CPB2: variants seen among roughly 807,000 people sequenced by gnomAD.
CPB2 encodes carboxypeptidase B-like protein.
Under a neutral mutation model 57.0 loss-of-function variants are expected in CPB2, and 54 were observed. The ratio of observed to expected loss-of-function variants is 0.95; its 90% confidence interval spans 0.76 to 1.19. The LOEUF (loss-of-function observed/expected upper bound fraction) is 1.19, where lower values mean the gene tolerates loss of function less well. CPB2 is among the 50% of genes most tolerant of loss of function. The pLI is 0.00. For synonymous variants in CPB2, 189 were observed against 178.1 expected (o/e 1.06, Z -0.49); for missense variants, 426 against 512.0 (o/e 0.83, Z 1.62).
chr13:46,074,595 C>T (rs1328097878), intron 5 of CPB2, among the ~76,000 whole-genome samples: 1 of 152,146 alleles, frequency 6.6e-6, no homozygotes, highest in Admixed American at 6.5e-5. Flanking sequence ...CAATAATAGC[C>T]TTTGATGTCT....
rs11458090 is a variant in CPB2 at position 46,090,362 on chromosome 13, CT to C, written c.75-2543del. Among the ~76,000 whole-genome samples the C allele has an allele frequency of 1.6e-3, 195 of 125,774 alleles. 1 individual carries two copies. The highest frequency in any genetic ancestry group is 4.3e-3 in the Middle Eastern group (1 of 232). The allele number at this position is 125,774 out of a possible 152,430, so 82.5% of individuals were successfully genotyped here. On this transcript the variant is annotated intron_variant, in intron 1 of 10. Coordinates refer to ENST00000181383, the MANE Select transcript of CPB2 (RefSeq NM_001872.5). ...CAGTGAATTTGTCTATTTGTCTATT[CT>C]TTTTTTTTTTTTTTTTGGAGATGGA... is the stretch of plus-strand genomic sequence containing the variant.
At chr13:46,075,631 A>T (rs751860635) in intron 5 of CPB2, among the ~76,000 whole-genome samples, 6 of 152,238 alleles carry the variant, frequency 3.9e-5, no homozygotes, top group African/African-American at 9.6e-5. Flanking sequence ...TTGAGTCTGC[A>T]CTGTAAGTTC....
chr13:46,101,318 TTC>T (rs1301705107), intron 1 of CPB2: 2 of 152,266 alleles, frequency 1.3e-5, no homozygotes, highest in Non-Finnish European at 2.9e-5. Flanking sequence ...TAGAAAATTG[TTC>T]TTTGTTCAAT....
rs1403417093 is a variant in CPB2, at chr13:46,073,886, C to T, written c.578G>A (p.Trp193Ter). 2 of 1,567,110 alleles carry T rather than the reference C, an allele frequency of 1.3e-6. No individual in the cohort carries two copies. Among genetic ancestry groups the T allele is most frequent in the Non-Finnish European group, 1.7e-6 (2 of 1,145,150 alleles). Residue 193 changes from tryptophan to a stop codon, truncating the protein, a stop_gained, in exon 6 of 11, where the codon TGG becomes TAG. Coordinates refer to ENST00000181383, the MANE Select transcript of CPB2 (RefSeq NM_001872.5). LOFTEE classifies it high-confidence loss of function. ...GTGAATACTTACATGGCCTATGAACCACAAGCAGAAAGCAGGAGAGATCCA... is the reference window on the plus strand; with the variant it reads ...GTGAATACTTACATGGCCTATGAACTACAAGCAGAAAGCAGGAGAGATCCA... ...REWISPAFCL[W>*]FIGHITQFYG...
intron 1 of CPB2, chr13:46,100,128 A>C (rs1297089317): frequency 2.0e-5 from 3 of 152,200 alleles, no homozygotes; most frequent in Non-Finnish European, 4.4e-5. Flanking sequence ...AAAATTAGTC[A>C]ACAAGCAGAG....
chr13:46,059,707 A>T (rs1003265137), intron 8 of CPB2, among the ~76,000 whole-genome samples: 5 of 152,222 alleles, frequency 3.3e-5, no homozygotes, highest in African/African-American at 1.2e-4. Flanking sequence ...CTAGGGCTCC[A>T]GGCCCAGTTC....
Position 46,084,236 on chromosome 13 carries a change from C to T in CPB2, c.258G>A (p.Val86=). 6.2e-7 allele frequency: 1 copy of T among 1,614,130 alleles called. No individual in the cohort carries two copies. Among genetic ancestry groups the T allele is most frequent in the Non-Finnish European group, 8.5e-7 (1 of 1,180,012 alleles). Residue 86 remains valine (V), a synonymous_variant, in exon 3 of 11, where the codon GTG becomes GTA. Coordinates refer to ENST00000181383, the MANE Select transcript of CPB2 (RefSeq NM_001872.5). ...GTGCCTACCTGCATGGAATTCCGCT[C>T]ACATTTAAATGGGCTTTCACATTGT... The part of the protein sequence containing the change: ...DVDNVKAHLN[V]SGIPCSVLLA...
chr13:46,069,427 T>C (rs1347826737), intron 6 of CPB2, among the ~76,000 whole-genome samples: 1 of 152,200 alleles, frequency 6.6e-6, no homozygotes, highest in Non-Finnish European at 1.5e-5. Flanking sequence ...CCATCACTAA[T>C]ATCTGATTTT....
intron 7 of CPB2, 105 bp downstream of exon 7, chr13:46,067,202 T>A: frequency 1.8e-6 from 1 of 548,372 alleles, no homozygotes; most frequent in East Asian, 3.0e-5. Context: ...AAAAAATTAA[T>A]AATAAAGCCA....
chr13:46,061,896 G>A (rs994313436), intron 8 of CPB2, among the ~76,000 whole-genome samples: 1 of 152,010 alleles, frequency 6.6e-6, no homozygotes, highest in Non-Finnish European at 1.5e-5. Context: ...AGAATCATAG[G>A]GGCACATTCT....
At chr13:46,068,142 G>A (rs2044883527) in intron 6 of CPB2, among the ~76,000 whole-genome samples, 2 of 152,042 alleles carry the variant, frequency 1.3e-5, no homozygotes, top group Admixed American at 1.3e-4. Flanking sequence ...CTAGGACAAA[G>A]CTTTTGGTTC....
chr13:46,087,957 C>T (rs1339064911), intron 1 of CPB2, 137 bp from the exon 2 acceptor site: 1 of 595,250 alleles, frequency 1.7e-6, no homozygotes, highest in Non-Finnish European at 2.9e-6. Flanking sequence ...GATCTTACTA[C>T]AGATTCAGTG....
At chr13:46,073,600 A>G in intron 6 of CPB2, 1 of 267,432 alleles carries the variant, frequency 3.7e-6, no homozygotes, top group Non-Finnish European at 5.7e-6. Flanking sequence ...ATTATAATCA[A>G]TGTACTATTT....
chr13:46,087,645 T>C, intron 2 of CPB2, 100 bp downstream of exon 2: 2 of 779,860 alleles, frequency 2.6e-6, no homozygotes, highest in South Asian at 3.1e-5. Flanking sequence ...GAAGAGTTCA[T>C]ACCAGATACA....
chr13:46,056,178 A>G (rs567425341), intron 9 of CPB2, among the ~76,000 whole-genome samples: 119 of 152,156 alleles, frequency 7.8e-4, no homozygotes, highest in Non-Finnish European at 1.3e-3. Flanking sequence ...CTACATCTCA[A>G]AGGCTTAGAG....
At chr13:46,060,237 C>T (rs1454515557) in intron 8 of CPB2, among the ~76,000 whole-genome samples, 1 of 151,988 alleles carries the variant, frequency 6.6e-6, no homozygotes, top group African/African-American at 2.4e-5. Context: ...CTGAGGCAGG[C>T]GGATCACTTG....
At chr13:46,078,740 G>A (rs972232003) in intron 5 of CPB2, 60 bp downstream of exon 5, 5 of 1,102,106 alleles carry the variant, frequency 4.5e-6, no homozygotes, top group South Asian at 3.8e-5. Context: ...TAACAAACAC[G>A]ACTGGAGAAT....
intron 6 of CPB2, among the ~76,000 whole-genome samples, chr13:46,071,739 C>T (rs1593894067): frequency 6.6e-6 from 1 of 152,264 alleles, no homozygotes; most frequent in South Asian, 2.1e-4. Flanking sequence ...TCCACCAGGC[C>T]TCTCAGCACA....
At chr13:46,085,122 T>C (rs1308305113) in intron 2 of CPB2, among the ~76,000 whole-genome samples, 8 of 152,146 alleles carry the variant, frequency 5.3e-5, no homozygotes, top group Non-Finnish European at 7.4e-5. Context: ...AGTGCTGGGA[T>C]TACAGGCACG....
Sources: allele counts gnomAD v4.1 joint callset (sites outside exome capture counted in the v4.1 genomes callset), GRCh38; gene constraint gnomAD v4.1.1; transcripts MANE v1.5; gene names NCBI Gene and HGNC (gene_info 2026-07-23, HGNC 2026-07-21).